The following MYOCD variants were observed in gnomAD, a reference collection of about 807,000 sequenced individuals.
The protein encoded by MYOCD is myocardin.
A neutral mutation model predicts 96.1 loss-of-function variants in MYOCD; 32 were observed. The ratio of observed to expected loss-of-function variants is 0.33; its 90% CI spans 0.25 to 0.45. MYOCD has a LOEUF of 0.45. Among genes scored for constraint, MYOCD ranks in the 20% least tolerant of loss-of-function variants. MYOCD has a pLI of 1.00. For synonymous variants in MYOCD, 469 were observed against 469.0 expected, an observed-to-expected ratio of 1.00 and a Z score of 0.00; for missense variants, 1,133 against 1,200.6, an observed-to-expected ratio of 0.94 and a Z score of 0.83.
At chr17:12,758,359 CA>C (rs1369444143) in intron 12 of MYOCD, 146 bp downstream of exon 12, 1 of 1,206,426 alleles carries the variant, frequency 8.3e-7, no homozygotes, top group Non-Finnish European at 1.2e-6. Flanking sequence ...ATTATCTAGA[CA>C]ATAATTGGAA....
At chr17:12,686,324 CAT>C (rs1277535851) in intron 1 of MYOCD, among the ~76,000 whole-genome samples, 1 of 152,204 alleles carries the variant, frequency 6.6e-6, no homozygotes, top group African/African-American at 2.4e-5. Flanking sequence ...CAGCCAAAGT[CAT>C]ATGGCTATTT....
At chr17:12,744,065 T>G in intron 7 of MYOCD, 118 bp from the exon 8 acceptor site, 4 of 1,236,680 alleles carry the variant, frequency 3.2e-6, no homozygotes, top group Non-Finnish European at 4.5e-6. Flanking sequence ...TTTGCTATAT[T>G]ATATTTCTGA....
At position 12,738,949 on chromosome 17, in the gene MYOCD, T is replaced by TTA. The variant is rs35061930; in HGVS notation, c.592-242_592-241dup. Among the ~76,000 whole-genome samples the TTA allele has an allele frequency of 4.0e-5, 6 of 151,296 alleles. No homozygotes were observed. In the East Asian group the frequency reaches 5.8e-4, roughly 15 times the overall value. On this transcript the variant is annotated intron_variant, in intron 6 of 13. Transcript: ENST00000425538. Reference sequence around the variant, plus strand: ...AAGTGTTCTCAGCTGGATGATAAGTTTATATATATATATGTATATATGTAT... The same window carrying TTA: ...AAGTGTTCTCAGCTGGATGATAAGTTTATATATATATATATGTATATATGTAT...
In MYOCD at chr17:12,760,860, T is replaced by C. The variant is rs16946572; in HGVS notation, c.2389+153T>C. On this transcript the variant is annotated intron_variant, in intron 13 of 13. Transcript: ENST00000425538. Reference sequence around the variant, plus strand: ...CATTTCCTTTGAGCTTCTCGCACATTTTTAGAGCTGATAAAAGAAGGCTTA... The same window carrying C: ...CATTTCCTTTGAGCTTCTCGCACATCTTTAGAGCTGATAAAAGAAGGCTTA... 0.29 allele frequency: 189,885 copies of C among 644,886 alleles called. 30,324 individuals carry two copies. The highest frequency in any genetic ancestry group is 0.38 in the East Asian group (13,754 of 36,084). 39.9% of individuals were successfully genotyped at this position (644,886 alleles called of 1,614,324 possible).
At chr17:12,752,214 C>T (rs1442971899) in intron 9 of MYOCD, among the ~76,000 whole-genome samples, 200 bp from the exon 10 acceptor site, 3 of 151,888 alleles carry the variant, frequency 2.0e-5, no homozygotes, top group African/African-American at 4.8e-5. Flanking sequence ...ACACCGTATA[C>T]GATAAAGTTA....
rs369744840 is a variant in MYOCD at position 12,755,667 on chromosome 17, A to G, written c.2059-747A>G. On this transcript the variant is annotated intron_variant, in intron 10 of 13. Coordinates refer to ENST00000425538, the MANE Select transcript of MYOCD (RefSeq NM_001146312.3). Reference sequence around the variant, plus strand: ...GGCGGGTGGATCACGAGGTCAGGAGATAGAGACCAGCCTGGCCAATATGGT... The same window carrying G: ...GGCGGGTGGATCACGAGGTCAGGAGGTAGAGACCAGCCTGGCCAATATGGT... Among the ~76,000 whole-genome samples, 114 of 150,794 alleles carry G rather than the reference A, an allele frequency of 7.6e-4. 4 individuals are homozygous for G. In the South Asian group the frequency reaches 0.013, roughly 17 times the overall value.
At chr17:12,667,858 T>C (rs545448268) in intron 1 of MYOCD, among the ~76,000 whole-genome samples, 1 of 152,250 alleles carries the variant, frequency 6.6e-6, no homozygotes, top group East Asian at 1.9e-4. Flanking sequence ...AATTCCAGCC[T>C]CACTTTTTTT....
chr17:12,683,794 T>G (rs1313235253), intron 1 of MYOCD, among the ~76,000 whole-genome samples: 2 of 152,218 alleles, frequency 1.3e-5, no homozygotes, highest in Non-Finnish European at 2.9e-5. Flanking sequence ...CTGTAAACTT[T>G]CCATAGGCAG....
chr17:12,713,217 G>C (rs1362625561), intron 2 of MYOCD, among the ~76,000 whole-genome samples: 2 of 152,142 alleles, frequency 1.3e-5, no homozygotes, highest in African/African-American at 2.4e-5. Flanking sequence ...TTGTGCTCCT[G>C]GCATCAGAGA....
chr17:12,739,294 C>A lies in MYOCD; in HGVS notation c.683C>A (p.Pro228His). 6.2e-7 allele frequency: 1 copy of A among 1,608,404 alleles called. No individual in the cohort carries two copies. Among genetic ancestry groups the A allele is most frequent in the Non-Finnish European group, 8.5e-7 (1 of 1,177,736 alleles). The change falls in exon 7 of 14, where the codon CCC becomes CAC. Residue 228 changes from proline to histidine, a missense_variant. Transcript: ENST00000425538. ...SDAGKQGLGP[P>H]STPIAVHAAV... The stretch of plus-strand genomic sequence containing the variant: ...GCGGGGAAGCAGGGGCTTGGCCCCC[C>A]CAGCACCCCCATAGCCGTGCATGCT...
In MYOCD at chr17:12,726,481, TAA is replaced by T. The variant is rs541369406; in HGVS notation, c.415+3480_415+3481del. Among the ~76,000 whole-genome samples the T allele has an allele frequency of 3.4e-3, 520 of 152,136 alleles. 6 individuals are homozygous for T. The highest frequency in any genetic ancestry group is 0.012 in the African/African-American group (492 of 41,514). Reference sequence around the variant, plus strand: ...AAGATGAGAAGTTTCATCCACTTATTAAAAAAAATCTCAACCTGGAAATGAAC... The same window carrying T: ...AAGATGAGAAGTTTCATCCACTTATTAAAAAATCTCAACCTGGAAATGAAC... On this transcript the variant is annotated intron_variant, in intron 5 of 13. Transcript: ENST00000425538.
rs2286391 is a variant in MYOCD at position 12,765,147 on chromosome 17, C to G, written c.*1503C>G. ...CTAATGTGCATTCCTCATTACCTCT[C>G]GTGGCTTTGGCTGGGAGTTGGAAAA... is the stretch of plus-strand genomic sequence containing the variant. On this transcript the variant is annotated 3_prime_UTR_variant, in exon 14 of 14. Coordinates refer to ENST00000425538, the MANE Select transcript of MYOCD (RefSeq NM_001146312.3). The G allele has an allele frequency of 1.3e-5, 2 of 152,060 alleles. No homozygotes were observed. The highest frequency in any genetic ancestry group is 2.9e-5 in the Non-Finnish European group (2 of 68,018). 9.4% of individuals were successfully genotyped at this position (152,060 alleles called of 1,614,324 possible).
At chr17:12,748,475 A>G (rs1381996695) in intron 9 of MYOCD, among the ~76,000 whole-genome samples, 1 of 152,160 alleles carries the variant, frequency 6.6e-6, no homozygotes, top group Non-Finnish European at 1.5e-5. Flanking sequence ...TGATGAGTAT[A>G]TGAGGTTCAT....
At chr17:12,668,128 CATGCT>C (rs1471925777) in intron 1 of MYOCD, among the ~76,000 whole-genome samples, 1 of 152,230 alleles carries the variant, frequency 6.6e-6, no homozygotes, top group African/African-American at 2.4e-5. Context: ...GAGGTCGCAG[CATGCT>C]AACAAGAGGG....
intron 5 of MYOCD, among the ~76,000 whole-genome samples, chr17:12,726,345 C>T (rs1474584237): frequency 6.6e-6 from 1 of 152,168 alleles, no homozygotes; most frequent in Non-Finnish European, 1.5e-5. Context: ...TGACTATGTT[C>T]CAATAAAACT....
intron 1 of MYOCD, among the ~76,000 whole-genome samples, chr17:12,684,895 C>T (rs558608889): frequency 3.3e-4 from 50 of 150,564 alleles, no homozygotes; most frequent in African/African-American, 1.2e-3. Flanking sequence ...CCTCATTAAA[C>T]CAAGCACAGG....
intron 1 of MYOCD, among the ~76,000 whole-genome samples, chr17:12,703,949 A>T (rs943939231): frequency 6.6e-6 from 1 of 151,702 alleles, no homozygotes; most frequent in Admixed American, 6.6e-5. Flanking sequence ...TTTTTTGTCC[A>T]TTTCTTTTAC....
chr17:12,707,165 A>G (rs79830561), intron 2 of MYOCD, among the ~76,000 whole-genome samples: 2 of 152,360 alleles, frequency 1.3e-5, no homozygotes, highest in East Asian at 3.9e-4. Context: ...CATGCAATCT[A>G]CATGCATTTC....
chr17:12,712,591 A>C (rs1206468668), intron 2 of MYOCD, among the ~76,000 whole-genome samples: 3 of 152,186 alleles, frequency 2.0e-5, no homozygotes, highest in African/African-American at 7.2e-5. Context: ...CTAAGTTCTA[A>C]GTCAGCAAAT....
Sources: gnomAD v4.1 joint callset for allele counts (sites outside exome capture counted in the v4.1 genomes callset) on GRCh38, gnomAD v4.1.1 for gene constraint, MANE v1.5 for transcripts, NCBI Gene and HGNC (gene_info 2026-07-23, HGNC 2026-07-21) for gene names.